The following ASTN1 variants were observed in gnomAD, a reference collection of about 807,000 sequenced individuals.
The protein encoded by ASTN1 is astrotactin 1, also known as astrotactin-1.
In ASTN1, 41 loss-of-function variants were observed where a neutral mutation model predicts 140.7. That is an observed-to-expected ratio of 0.29 (90% CI 0.23 to 0.38). The LOEUF (loss-of-function observed/expected upper bound fraction) is 0.38. Among genes scored for constraint, ASTN1 ranks in the 10% least tolerant of loss-of-function variants. The pLI is 1.00. For synonymous variants in ASTN1, 640 were observed against 652.2 expected (o/e 0.98, Z 0.29); for missense variants, 1,479 against 1,678.8 (o/e 0.88, Z 2.08).
chr1:177,041,047 A>G lies in ASTN1; in HGVS notation c.472-8198T>C, dbSNP rs566446941. 2.3e-4 allele frequency among the ~76,000 whole-genome samples: 35 copies of G among 152,322 alleles called. 1 individual carries two copies. Among genetic ancestry groups the G allele is most frequent in the African/African-American group, 8.2e-4 (34 of 41,574 alleles). ...GAGATCTCTCATCATTAGTAGCTAC[A>G]GTTACCTGTTGTTTGCCTTAACGAG... On this transcript the variant is annotated intron_variant, in intron 2 of 22. Coordinates refer to ENST00000361833, the MANE Select transcript of ASTN1 (RefSeq NM_004319.3).
Position 177,157,840 on chromosome 1 carries a change from ATATAAATAAAATTG to A in ASTN1, c.283+6540_283+6553del, listed in dbSNP as rs1378249722. ...TTAAACAATATGTTATTTTGAATTT[ATATAAATAAAATTG>A]TACTATTTTTTTCAGCTATTTTCTT... On this transcript the variant is annotated intron_variant, in intron 1 of 22. Transcript: ENST00000361833. Among the ~76,000 whole-genome samples, 3 of 152,146 alleles carry A rather than the reference ATATAAATAAAATTG, an allele frequency of 2.0e-5. No homozygotes were observed. The East Asian group carries it at 5.8e-4, about 29-fold the overall frequency.
chr1:177,063,301 C>G (rs1276844651), intron 1 of ASTN1, among the ~76,000 whole-genome samples: 2 of 152,016 alleles, frequency 1.3e-5, no homozygotes, highest in Non-Finnish European at 2.9e-5. Flanking sequence ...GGATCAGAGC[C>G]CTCTTCCATC....
intron 2 of ASTN1, among the ~76,000 whole-genome samples, chr1:177,043,750 G>C (rs1035021458): frequency 6.6e-6 from 1 of 152,214 alleles, no homozygotes; most frequent in Admixed American, 6.5e-5. Context: ...GCTGAGAGGA[G>C]ACGCTGACGT....
intron 1 of ASTN1, among the ~76,000 whole-genome samples, chr1:177,061,934 CT>C (rs970707250): frequency 4.6e-5 from 7 of 152,164 alleles, no homozygotes; most frequent in Non-Finnish European, 8.8e-5. Context: ...GAATCAGGCC[CT>C]TATCACAGAC....
chr1:176,924,892 G>A (rs532666306), intron 16 of ASTN1, among the ~76,000 whole-genome samples: 59 of 152,216 alleles, frequency 3.9e-4, no homozygotes, highest in African/African-American at 1.4e-3. Flanking sequence ...ACTTTCTAGA[G>A]GGAAAAATGA....
At chr1:177,144,353 C>T (rs371558879) in intron 1 of ASTN1, among the ~76,000 whole-genome samples, 219 of 151,258 alleles carry the variant, frequency 1.4e-3, no homozygotes, top group African/African-American at 5.0e-3. Flanking sequence ...CCCGGGTTCA[C>T]GCCATTCTCC....
chr1:176,979,595 C>T (rs1182518651), intron 8 of ASTN1, among the ~76,000 whole-genome samples: 5 of 152,138 alleles, frequency 3.3e-5, no homozygotes, highest in African/African-American at 4.8e-5. Context: ...CTTGCCAGAG[C>T]GTTAGTCCCT....
chr1:176,945,217 A>G (rs1244227744), intron 13 of ASTN1, among the ~76,000 whole-genome samples: 1 of 152,206 alleles, frequency 6.6e-6, no homozygotes, highest in African/African-American at 2.4e-5. Flanking sequence ...CACTCTTAAA[A>G]ATAATTGAAG....
intron 16 of ASTN1, among the ~76,000 whole-genome samples, chr1:176,903,314 T>C (rs1255930697): frequency 4.6e-5 from 7 of 152,090 alleles, no homozygotes; most frequent in Admixed American, 4.6e-4. Flanking sequence ...TCTTCCCATA[T>C]ATTTTTTGAG....
chr1:177,002,370 CACACAA>C (rs1674770176), intron 8 of ASTN1, among the ~76,000 whole-genome samples: 1 of 61,978 alleles, frequency 1.6e-5, no homozygotes, highest in African/African-American at 7.0e-5. Context: ...ATGTGCCTTA[CACACAA>C]ACACACACAC....
At chr1:176,896,999 G>A (rs781070436) in intron 16 of ASTN1, among the ~76,000 whole-genome samples, 17 of 152,136 alleles carry the variant, frequency 1.1e-4, no homozygotes, top group Non-Finnish European at 1.8e-4. Context: ...AGTAAAGGGC[G>A]GACGTGGTGG....
At chr1:177,060,170 T>C (rs1215702105) in intron 2 of ASTN1, among the ~76,000 whole-genome samples, 2 of 152,186 alleles carry the variant, frequency 1.3e-5, no homozygotes, top group Admixed American at 6.5e-5. Context: ...GCACTTACTT[T>C]CCAGTGAGAT....
In ASTN1 at chr1:177,080,536, G is replaced by A. The variant is rs552625522; in HGVS notation, c.284-19271C>T. 1.3e-3 allele frequency among the ~76,000 whole-genome samples: 199 copies of A among 152,250 alleles called. 2 individuals are homozygous for A. The highest frequency in any genetic ancestry group is 4.3e-3 in the African/African-American group (178 of 41,550). On this transcript the variant is annotated intron_variant, in intron 1 of 22. Transcript: ENST00000361833. ...CTGATAAGGAAAGTCTGTGTTTTCCGTATTTGTGAATATGAAGAATTGGAA... is the reference window on the plus strand; with the variant it reads ...CTGATAAGGAAAGTCTGTGTTTTCCATATTTGTGAATATGAAGAATTGGAA...
chr1:177,023,318 G>A, intron 7 of ASTN1, 86 bp downstream of exon 7: 1 of 1,468,920 alleles, frequency 6.8e-7, no homozygotes, highest in Non-Finnish European at 9.2e-7. Context: ...ACGGGGAGTT[G>A]GGAGGCATGG....
chr1:176,969,043 A>G (rs2101857410), intron 8 of ASTN1, among the ~76,000 whole-genome samples: 1 of 152,266 alleles, frequency 6.6e-6, no homozygotes, highest in East Asian at 1.9e-4. Context: ...GAAGAGCTGG[A>G]CGTAAAAGCA....
chr1:177,136,177 A>G (rs562471635), intron 1 of ASTN1, among the ~76,000 whole-genome samples: 104 of 152,278 alleles, frequency 6.8e-4, no homozygotes, highest in Middle Eastern at 6.8e-3. Context: ...TCACTGTGAC[A>G]GACTTTGTGG....
At chr1:177,149,172 AAT>A (rs1229362148) in intron 1 of ASTN1, among the ~76,000 whole-genome samples, 1 of 94,098 alleles carries the variant, frequency 1.1e-5, no homozygotes, top group Non-Finnish European at 1.7e-5. Flanking sequence ...ATATATAGTA[AAT>A]ATATAGTGTA....
Position 176,920,806 on chromosome 1 carries a change from G to A in ASTN1, c.2671+13346C>T, listed in dbSNP as rs1418798175. Among the ~76,000 whole-genome samples the A allele has an allele frequency of 2.6e-5, 4 of 152,202 alleles. No homozygotes were observed. In the East Asian group the frequency reaches 7.7e-4, roughly 29 times the overall value. ...CACTGCATTCCTAGTACCTAACACTGTGCCTGATCTATATATAATAAGCAC... is the reference window on the plus strand; with the variant it reads ...CACTGCATTCCTAGTACCTAACACTATGCCTGATCTATATATAATAAGCAC... On this transcript the variant is annotated intron_variant, in intron 16 of 22. Transcript: ENST00000361833.
intron 1 of ASTN1, among the ~76,000 whole-genome samples, chr1:177,084,540 A>AT (rs1679333130): frequency 6.6e-6 from 1 of 152,076 alleles, no homozygotes; most frequent in Non-Finnish European, 1.5e-5. Context: ...TGACTTCAAG[A>AT]TTTTTTCATT....
Sources: gnomAD v4.1 joint callset for allele counts (sites outside exome capture counted in the v4.1 genomes callset) on GRCh38, gnomAD v4.1.1 for gene constraint, MANE v1.5 for transcripts, NCBI Gene and HGNC (gene_info 2026-07-23, HGNC 2026-07-21) for gene names.